AFG1L: variants seen among roughly 807,000 people sequenced by gnomAD.
The protein encoded by AFG1L is AFG1-like ATPase.
A neutral mutation model predicts 62.2 loss-of-function variants in AFG1L; 53 were observed. That is an observed-to-expected ratio of 0.85 (90% CI 0.68 to 1.07). The LOEUF is 1.07. Ranked by LOEUF, AFG1L falls within the 50% of genes least tolerant of loss-of-function variation. AFG1L has a pLI of 0.00. For missense variants in AFG1L, 555 were observed against 590.5 expected (o/e 0.94, Z 0.62); for synonymous variants, 228 against 210.3 (o/e 1.08, Z -0.73).
chr6:108,488,393 C>T (rs945695161), intron 10 of AFG1L, among the ~76,000 whole-genome samples: 9 of 152,088 alleles, frequency 5.9e-5, no homozygotes, highest in South Asian at 2.1e-4. Context: ...TATGGATGAT[C>T]GGAGTGGAAC....
At chr6:108,413,921 C>T (rs920827237) in intron 7 of AFG1L, among the ~76,000 whole-genome samples, 10 of 151,564 alleles carry the variant, frequency 6.6e-5, no homozygotes, top group Admixed American at 3.9e-4. Flanking sequence ...CTAAGAACAG[C>T]GCAGAACTGA....
At position 108,399,178 on chromosome 6, in the gene AFG1L, GTTTTTTTTTTTTTTTTTTT is replaced by G. The variant is rs57304886; in HGVS notation, c.749-2808_749-2790del. On this transcript the variant is annotated intron_variant, in intron 6 of 12. Transcript: ENST00000368977. ...CAAAGATCTGTCACTTCTTTTGTTT[GTTTTTTTTTTTTTTTTTTT>G]TTTTTTTTTGAGACGGAGTCTCACT... is the stretch of plus-strand genomic sequence containing the variant. Among the ~76,000 whole-genome samples, 8 of 62,206 alleles carry G rather than the reference GTTTTTTTTTTTTTTTTTTT, an allele frequency of 1.3e-4. 1 individual carries two copies. Among genetic ancestry groups the G allele is most frequent in the Non-Finnish European group, 1.9e-4 (7 of 36,390 alleles). 40.8% of individuals were successfully genotyped at this position (62,206 alleles called of 152,430 possible). A position where few individuals can be genotyped will look rare whatever the true frequency, so the allele number is the denominator to read the frequency against.
intron 7 of AFG1L, among the ~76,000 whole-genome samples, chr6:108,403,815 G>C (rs1011515355): frequency 1.3e-5 from 2 of 150,618 alleles, no homozygotes; most frequent in Non-Finnish European, 3.0e-5. Flanking sequence ...CAAATATTTT[G>C]TTGTTGTTTT....
chr6:108,461,876 C>T (rs111254102), intron 8 of AFG1L, among the ~76,000 whole-genome samples: 4,353 of 152,174 alleles, frequency 0.029, 95 homozygotes, highest in Middle Eastern at 0.085. Flanking sequence ...GGGCGGATCA[C>T]GAGGGCAGGA....
intron 6 of AFG1L, among the ~76,000 whole-genome samples, chr6:108,389,252 A>G (rs1278526578): frequency 6.6e-6 from 1 of 151,644 alleles, no homozygotes; most frequent in African/African-American, 2.4e-5. Flanking sequence ...CCATCCTTTT[A>G]TTTTGAGCCT....
At position 108,522,750 on chromosome 6, in the gene AFG1L, C is replaced by T. The variant is rs913146195; in HGVS notation, c.*325C>T. On this transcript the variant is annotated 3_prime_UTR_variant, in exon 13 of 13. Transcript: ENST00000368977. ...CTTGAATGCACAAGTAAATGCAAGA[C>T]GTCTGGATACCTTCAAGCTTTGGCT... 4.1e-5 allele frequency: 7 copies of T among 169,564 alleles called. No homozygotes were observed. Among genetic ancestry groups the T allele is most frequent in the African/African-American group, 1.2e-4 (5 of 41,876 alleles). The allele number at this position is 169,564 out of a possible 1,614,324, so 10.5% of individuals were successfully genotyped here.
chr6:108,422,508 A>AAAAAAAAAAAAAAAAAAAAAAAAAAAAC (rs1770646756), intron 7 of AFG1L, among the ~76,000 whole-genome samples: 1 of 150,554 alleles, frequency 6.6e-6, no homozygotes, highest in African/African-American at 2.4e-5. Flanking sequence ...AAGAAGAAGA[A>AAAAAAAAAAAAAAAAAAAAAAAAAAAAC]ATGCTCTATT....
intron 6 of AFG1L, among the ~76,000 whole-genome samples, chr6:108,400,343 T>C (rs118052586): frequency 0.026 from 4,007 of 151,764 alleles, 72 homozygotes; most frequent in Non-Finnish European, 0.041. Context: ...ATATAGTTTT[T>C]ATTATGTTGA....
In AFG1L at chr6:108,477,187, C is replaced by T; in HGVS notation, c.962-5C>T. ...AAGATTGAGTCTTTGTTCATGTTCC[C>T]ATAGTAACTAGACCAAGGATTCTAA... On this transcript the variant is annotated splice_region_variant and splice_polypyrimidine_tract_variant and intron_variant, in intron 9 of 12. Transcript: ENST00000368977. The T allele has an allele frequency of 6.4e-7, 1 of 1,564,750 alleles. No individual in the cohort carries two copies. The highest frequency in any genetic ancestry group is 8.7e-7 in the Non-Finnish European group (1 of 1,147,046).
intron 8 of AFG1L, among the ~76,000 whole-genome samples, chr6:108,462,128 G>A (rs1772485921): frequency 6.6e-6 from 1 of 151,964 alleles, no homozygotes. Context: ...AAGGCTGGGT[G>A]CAGTGGCTCA....
chr6:108,354,032 G>C (rs9486865), intron 3 of AFG1L, among the ~76,000 whole-genome samples: 1 of 152,160 alleles, frequency 6.6e-6, no homozygotes, highest in South Asian at 2.1e-4. Context: ...TAGACAGGAA[G>C]TGATCTTGTG....
At chr6:108,405,248 A>C (rs1781798519) in intron 7 of AFG1L, among the ~76,000 whole-genome samples, 1 of 152,350 alleles carries the variant, frequency 6.6e-6, no homozygotes, top group East Asian at 1.9e-4. Flanking sequence ...TAAGTGATTT[A>C]CAATGGAAGC....
chr6:108,458,461 T>G (rs1434912611), intron 8 of AFG1L, among the ~76,000 whole-genome samples: 2 of 152,136 alleles, frequency 1.3e-5, no homozygotes, highest in Non-Finnish European at 2.9e-5. Context: ...TTTTAAAAGC[T>G]AAACTTGGGT....
At position 108,477,852 on chromosome 6, in the gene AFG1L, G is replaced by C. The variant is rs191812989; in HGVS notation, c.1062+560G>C. ...TATATGCACACATTCATATAACTGA[G>C]AAAGATCTTGACTGCAGATTCATTA... On this transcript the variant is annotated intron_variant, in intron 10 of 12. Transcript: ENST00000368977. Among the ~76,000 whole-genome samples, 451 of 152,260 alleles carry C rather than the reference G, an allele frequency of 3.0e-3. 3 individuals are homozygous for C. The highest frequency in any genetic ancestry group is 6.4e-3 in the South Asian group (31 of 4,824).
chr6:108,305,267 T>A (rs1271183774), intron 1 of AFG1L, among the ~76,000 whole-genome samples: 1 of 152,182 alleles, frequency 6.6e-6, no homozygotes, highest in East Asian at 1.9e-4. Flanking sequence ...AAAATGCAGT[T>A]TTGATTTTTC....
chr6:108,462,988 T>TAA (rs1453161348), intron 8 of AFG1L, among the ~76,000 whole-genome samples: 1 of 152,124 alleles, frequency 6.6e-6, no homozygotes, highest in East Asian at 1.9e-4. Flanking sequence ...CATTTTTAGC[T>TAA]ATTAAAACTC....
At position 108,302,236 on chromosome 6, in the gene AFG1L, C is replaced by T. The variant is rs150911860; in HGVS notation, c.139+7018C>T. On this transcript the variant is annotated intron_variant, in intron 1 of 12. Transcript: ENST00000368977. Reference sequence around the variant, plus strand: ...GGGATTACAGGCGTGAGCCATCGCTCCCAGCCCGAGACTAGAATTTAATAA... The same window carrying T: ...GGGATTACAGGCGTGAGCCATCGCTTCCAGCCCGAGACTAGAATTTAATAA... Among the ~76,000 whole-genome samples, 1,194 of 152,300 alleles carry T rather than the reference C, an allele frequency of 7.8e-3. 7 individuals are homozygous for T. The highest frequency in any genetic ancestry group is 0.013 in the Non-Finnish European group (908 of 68,020).
chr6:108,450,971 T>C (rs1772029400), intron 8 of AFG1L, among the ~76,000 whole-genome samples: 1 of 152,088 alleles, frequency 6.6e-6, no homozygotes, highest in Non-Finnish European at 1.5e-5. Flanking sequence ...TTATTAACTT[T>C]ACCCTGTAAC....
intron 6 of AFG1L, among the ~76,000 whole-genome samples, chr6:108,379,296 C>T (rs1169919361): frequency 6.6e-6 from 1 of 152,150 alleles, no homozygotes; most frequent in Non-Finnish European, 1.5e-5. Flanking sequence ...AGGCATGAGC[C>T]ACCGCGCCCG....
Sources: gnomAD v4.1 joint callset for allele counts (sites outside exome capture counted in the v4.1 genomes callset) on GRCh38, gnomAD v4.1.1 for gene constraint, MANE v1.5 for transcripts, NCBI Gene and HGNC (gene_info 2026-07-23, HGNC 2026-07-21) for gene names.